PRKD2: variants seen among roughly 807,000 people sequenced by gnomAD.
PRKD2 encodes protein kinase D2.
In PRKD2, 22 loss-of-function variants were observed where a neutral mutation model predicts 86.0. The observed-to-expected ratio is 0.26, with a 90% CI of 0.18 to 0.37. The LOEUF (loss-of-function observed/expected upper bound fraction) is 0.37, where lower values mean the gene tolerates loss of function less well. PRKD2 is among the 10% of genes least tolerant of loss of function. The pLI, the probability that PRKD2 is intolerant of heterozygous loss-of-function variation, is 1.00. For synonymous variants in PRKD2, 509 were observed against 510.9 expected (o/e 1.00, Z 0.05); for missense variants, 818 against 1,199.2 (o/e 0.68, Z 4.70).
Position 46,678,794 on chromosome 19 carries a change from A to C in PRKD2, c.2071-131T>G, listed in dbSNP as rs2053252000. 8.9e-7 allele frequency: 1 copy of C among 1,126,960 alleles called. No individual in the cohort carries two copies. The highest frequency in any genetic ancestry group is 2.6e-5 in the East Asian group (1 of 38,678). The allele number at this position is 1,126,960 out of a possible 1,614,324, so 69.8% of individuals were successfully genotyped here. On this transcript the variant is annotated intron_variant, in intron 15 of 17. Coordinates refer to ENST00000291281, the MANE Select transcript of PRKD2 (RefSeq NM_016457.5). This position sits in a 1 kb window ranked among gnomAD's most constrained non-coding sequence, Gnocchi z 5.7. ...GGTTTGAATCCAGGCTCCTTGGCTC[A>C]CTAGCTGAGCAACCCTGGGCAGGTG...
At chr19:46,710,754 C>A (rs373596764) in intron 3 of PRKD2, 153 bp downstream of exon 3, 3 of 900,292 alleles carry the variant, frequency 3.3e-6, no homozygotes, top group Non-Finnish European at 1.6e-6. Context: ...TGCTTCTGGG[C>A]CCATCCTTCT....
intron 3 of PRKD2, chr19:46,710,632 G>T (rs1484504745): frequency 2.4e-5 from 9 of 370,766 alleles, no homozygotes; most frequent in South Asian, 7.0e-5. Context: ...CCACCCTTCT[G>T]CTCCCCTAGG....
chr19:46,685,258 CAAA>C (rs763420052), intron 14 of PRKD2, among the ~76,000 whole-genome samples: 4 of 89,102 alleles, frequency 4.5e-5, no homozygotes, highest in Admixed American at 2.5e-4. Flanking sequence ...GACTTCGTCT[CAAA>C]AAAAAAAAAA....
At chr19:46,705,261 T>G (rs1033798318) in intron 3 of PRKD2, among the ~76,000 whole-genome samples, 3 of 151,918 alleles carry the variant, frequency 2.0e-5, no homozygotes, top group Non-Finnish European at 4.4e-5. Context: ...TCCCCAAAAC[T>G]CCTGTCCATC....
intron 13 of PRKD2, 115 bp downstream of exon 13, chr19:46,690,485 T>C: frequency 1.2e-6 from 1 of 850,750 alleles, no homozygotes; most frequent in East Asian, 2.5e-5. Flanking sequence ...CCTTCTCCCC[T>C]TCAGTCTCAA....
chr19:46,681,269 T>TTTA (rs1405875393), intron 15 of PRKD2, among the ~76,000 whole-genome samples: 1 of 149,554 alleles, frequency 6.7e-6, no homozygotes, highest in Non-Finnish European at 1.5e-5. Context: ...TTTTTTTTTT[T>TTTA]TTAAGAGACA....
At position 46,693,731 on chromosome 19, in the gene PRKD2, G is replaced by T; in HGVS notation, c.1576+144C>A. ...GGGATTAACAGGAGTGATTAACAGA[G>T]TTTGAACCCAGGCCTGCTGAGTCCA... On this transcript the variant is annotated intron_variant, in intron 10 of 17. Coordinates refer to ENST00000291281, the MANE Select transcript of PRKD2 (RefSeq NM_016457.5). The surrounding 1 kb of genome is among the most constrained non-coding windows in gnomAD (Gnocchi z 4.5). The T allele has an allele frequency of 7.9e-7, 1 of 1,270,922 alleles. No homozygotes were observed. The highest frequency in any genetic ancestry group is 1.1e-6 in the Non-Finnish European group (1 of 928,434). The allele number at this position is 1,270,922 out of a possible 1,614,324, so 78.7% of individuals were successfully genotyped here. A position where few individuals can be genotyped will look rare whatever the true frequency, so the allele number is the denominator to read the frequency against.
chr19:46,676,338 T>C (rs1444162919), intron 16 of PRKD2, among the ~76,000 whole-genome samples: 2 of 152,058 alleles, frequency 1.3e-5, no homozygotes, highest in Non-Finnish European at 2.9e-5. Flanking sequence ...TGAGGCAGAA[T>C]CGCTTGAACT....
Position 46,678,738 on chromosome 19 carries a change from C to T in PRKD2, c.2071-75G>A. ...ACCCCAGCATCCCCACCACACCACC[C>T]TCCATGGTATTCCAGAGAAAGCTGG... On this transcript the variant is annotated intron_variant, in intron 15 of 17. Coordinates refer to ENST00000291281, the MANE Select transcript of PRKD2 (RefSeq NM_016457.5). This position sits in a 1 kb window ranked among gnomAD's most constrained non-coding sequence, Gnocchi z 5.7. The T allele has an allele frequency of 6.7e-7, 1 of 1,483,052 alleles. No individual in the cohort carries two copies. The highest frequency in any genetic ancestry group is 9.1e-7 in the Non-Finnish European group (1 of 1,103,608). The allele number at this position is 1,483,052 out of a possible 1,614,324, so 91.9% of individuals were successfully genotyped here.
rs549666609 is a variant in PRKD2, at chr19:46,713,658, TCTCA to T, written c.379+201_379+204del. 9.2e-5 allele frequency among the ~76,000 whole-genome samples: 14 copies of T among 151,722 alleles called. No individual in the cohort carries two copies. In the South Asian group the frequency reaches 2.9e-3, roughly 32 times the overall value. ...GGGAGAGAAAGGGGTAGAGATGGAA[TCTCA>T]CTATGTTGCCCAGGCTGATCTCGAA... On this transcript the variant is annotated intron_variant, in intron 2 of 17. Transcript: ENST00000291281.
At chr19:46,697,632 G>C (rs2053579845) in intron 8 of PRKD2, 101 bp downstream of exon 8, 12 of 1,094,762 alleles carry the variant, frequency 1.1e-5, no homozygotes, top group Non-Finnish European at 1.6e-5. Flanking sequence ...CCCCGCTCGC[G>C]CCTAGCTCCA....
At chr19:46,688,646 A>G (rs1262384740) in intron 14 of PRKD2, among the ~76,000 whole-genome samples, 7 of 152,106 alleles carry the variant, frequency 4.6e-5, no homozygotes, top group Admixed American at 4.6e-4. Flanking sequence ...CATGTTGGCC[A>G]GGCTGGTCTC....
chr19:46,682,536 A>C (rs2053323361), intron 14 of PRKD2, among the ~76,000 whole-genome samples: 1 of 152,146 alleles, frequency 6.6e-6, no homozygotes, highest in Admixed American at 6.6e-5. Flanking sequence ...AAAGAATCTC[A>C]GAATCATAGA....
rs2053256301 is a variant in PRKD2, at chr19:46,679,031, A to AC, written c.2071-369_2071-368insG. Among the ~76,000 whole-genome samples the AC allele has an allele frequency of 1.3e-5, 2 of 151,994 alleles. 1 individual carries two copies. Among genetic ancestry groups the AC allele is most frequent in the Admixed American group, 1.3e-4 (2 of 15,250 alleles). ...CTGTTTCCTCTTTTGAATAATGCAGATTTTTTTTAATAGCCTCAAAATATA... is the reference window on the plus strand; with the variant it reads ...CTGTTTCCTCTTTTGAATAATGCAGACTTTTTTTTAATAGCCTCAAAATATA... On this transcript the variant is annotated intron_variant, in intron 15 of 17. Coordinates refer to ENST00000291281, the MANE Select transcript of PRKD2 (RefSeq NM_016457.5).
chr19:46,694,074 C>A lies in PRKD2; in HGVS notation c.1377G>T (p.Pro459=). 6.2e-7 allele frequency: 1 copy of A among 1,614,124 alleles called. No homozygotes were observed. Among genetic ancestry groups the A allele is most frequent in the South Asian group, 1.1e-5 (1 of 91,082 alleles). Residue 459 remains proline (P), a synonymous_variant, in exon 10 of 18, where the codon CCG becomes CCT. Transcript: ENST00000291281. ...VESAQNFSLV[P]PGTNPHCFEI... ...CAAAGCAGTGTGGGTTGGTGCCCGGCGGCACAAGGCTGAAGTTCTGGGCGG... is the reference window on the plus strand; with the variant it reads ...CAAAGCAGTGTGGGTTGGTGCCCGGAGGCACAAGGCTGAAGTTCTGGGCGG...
chr19:46,712,456 G>A (rs572215357), intron 2 of PRKD2, among the ~76,000 whole-genome samples: 5 of 151,922 alleles, frequency 3.3e-5, no homozygotes, highest in South Asian at 4.2e-4. Flanking sequence ...CAGGAGAATC[G>A]CTTGAACCCA....
Position 46,697,200 on chromosome 19 carries a change from C to T in PRKD2, c.1274G>A (p.Cys425Tyr), listed in dbSNP as rs751548679. ...CGTGTTGTTCTGGAAGAGCGTGATA[C>T]ACTTGCAGTCCAGGCGCCAATAGTG... ...KRHYWRLDCK[C>Y]ITLFQNNTTN... Residue 425 changes from cysteine (C) to tyrosine (Y), a missense_variant, in exon 9 of 18, where the codon TGT (cysteine) becomes TAT (tyrosine). Physicochemically the swap from Cys to Tyr is radical, Grantham distance 194. Transcript: ENST00000291281. The T allele has an allele frequency of 1.2e-6, 2 of 1,600,840 alleles. No homozygotes were observed. The highest frequency in any genetic ancestry group is 1.1e-5 in the South Asian group (1 of 90,780).
chr19:46,680,946 A>ATATATATATATTTTTTTT lies in PRKD2; in HGVS notation c.2070+703_2070+704insAAAAAAAATATATATATA. Among the ~76,000 whole-genome samples the ATATATATATATTTTTTTT allele has an allele frequency of 5.5e-3, 263 of 48,156 alleles. 6 individuals are homozygous for ATATATATATATTTTTTTT. Among genetic ancestry groups the ATATATATATATTTTTTTT allele is most frequent in the Non-Finnish European group, 9.1e-3 (226 of 24,766 alleles). The allele number at this position is 48,156 out of a possible 152,430, so 31.6% of individuals were successfully genotyped here. ...AAACTATATATATATATATATATAT[A>ATATATATATATTTTTTTT]TTTTTTTTTTTTTTTTTGAGACAGA... On this transcript the variant is annotated intron_variant, in intron 15 of 17. Transcript: ENST00000291281.
intron 12 of PRKD2, 46 bp from the exon 13 acceptor site, chr19:46,690,752 C>T (rs763284487): frequency 6.5e-7 from 1 of 1,538,514 alleles, no homozygotes; most frequent in South Asian, 1.1e-5. Context: ...GCAAGACCAC[C>T]CAGTCCTGGC....
Sources: allele counts gnomAD v4.1 joint callset (sites outside exome capture counted in the v4.1 genomes callset), GRCh38; gene constraint gnomAD v4.1.1; non-coding constraint Gnocchi (gnomAD v3.1); transcripts MANE v1.5; gene names NCBI Gene and HGNC (gene_info 2026-07-23, HGNC 2026-07-21).